The following GPR180 variants were observed in gnomAD, a reference collection of about 807,000 sequenced individuals.
The protein encoded by GPR180 is G protein-coupled receptor 180.
Under a neutral mutation model 52.6 loss-of-function variants are expected in GPR180, and 53 were observed. That is an observed-to-expected ratio of 1.01 (90% confidence interval 0.81 to 1.27). The LOEUF (loss-of-function observed/expected upper bound fraction) is 1.27. Ranked by LOEUF, GPR180 falls within the 50% of genes most tolerant of loss-of-function variation. The pLI, the probability that GPR180 is intolerant of heterozygous loss-of-function variation, is 0.00. For missense variants in GPR180, 533 were observed against 527.0 expected, an observed-to-expected ratio of 1.01 and a Z score of -0.11; for synonymous variants, 200 against 193.1, an observed-to-expected ratio of 1.04 and a Z score of -0.30.
Position 94,618,420 on chromosome 13 carries a change from A to ATTTTTTTTTTTT in GPR180, c.506-718_506-707dup, listed in dbSNP as rs570807308. Among the ~76,000 whole-genome samples, 473 of 87,114 alleles carry ATTTTTTTTTTTT rather than the reference A, an allele frequency of 5.4e-3. 94 individuals are homozygous for ATTTTTTTTTTTT. The highest frequency in any genetic ancestry group is 0.026 in the African/African-American group (417 of 15,820). The allele number at this position is 87,114 out of a possible 152,430, so 57.2% of individuals were successfully genotyped here. A position where few individuals can be genotyped will look rare whatever the true frequency, so the allele number is the denominator to read the frequency against. On this transcript the variant is annotated intron_variant, in intron 3 of 8. Transcript: ENST00000376958. Reference sequence around the variant, plus strand: ...CATGGAGTCGCATGATCAGCACAGGATTTTTTTTTTTTTTTTTTTTTTTGG... The same window carrying ATTTTTTTTTTTT: ...CATGGAGTCGCATGATCAGCACAGGATTTTTTTTTTTTTTTTTTTTTTTTTTTTTTTTTTTGG...
chr13:94,619,419 C>G, intron 4 of GPR180, 49 bp from the exon 5 acceptor site: 1 of 1,600,546 alleles, frequency 6.2e-7, no homozygotes, highest in Non-Finnish European at 8.5e-7. Context: ...TGATTATAAA[C>G]AATTTTTTTC....
rs1443977493 is a variant in GPR180, at chr13:94,627,155, G to A, written c.1307G>A (p.Ser436Asn). The A allele has an allele frequency of 6.2e-7, 1 of 1,612,256 alleles. No homozygotes were observed. Among genetic ancestry groups the A allele is most frequent in the Admixed American group, 1.7e-5 (1 of 59,750 alleles). The change falls in exon 9 of 9, where the codon AGT (serine) becomes AAT (asparagine). Residue 436 changes from serine to asparagine, a missense_variant. By Grantham distance (46) the Ser-to-Asn change is conservative. Transcript: ENST00000376958. ...LPLTISSGHK[S>N]RPHF Reference sequence around the variant, plus strand: ...CTGACCATATCATCTGGACACAAAAGTCGCCCTCATTTCTGATACTTGATT... The same window carrying A: ...CTGACCATATCATCTGGACACAAAAATCGCCCTCATTTCTGATACTTGATT...
At chr13:94,619,643 A>T (rs1176954080) in intron 5 of GPR180, 126 bp downstream of exon 5, 3 of 767,294 alleles carry the variant, frequency 3.9e-6, no homozygotes, top group Non-Finnish European at 6.4e-6. Context: ...TGAGAACAGG[A>T]TTACAGTTTA....
intron 3 of GPR180, among the ~76,000 whole-genome samples, chr13:94,616,838 CTTT>C (rs1217612604): frequency 6.6e-6 from 1 of 151,784 alleles, no homozygotes; most frequent in African/African-American, 2.4e-5. Context: ...AGAAAACAGA[CTTT>C]TTTAAAGAGA....
Position 94,612,206 on chromosome 13 carries a change from C to A in GPR180, c.321C>A (p.Thr107=). The part of the protein sequence containing the change: ...KAQLTMTMNQ[T]EHNLTVSQIP... ...TCTTTAAAGTGACCATGAACCAGAC[C>A]GAACATAATCTGACAGTGTCCCAGA... The change falls in exon 3 of 9, where the codon ACC becomes ACA. Residue 107 remains threonine, a synonymous_variant. Coordinates refer to ENST00000376958, the MANE Select transcript of GPR180 (RefSeq NM_180989.6). 2 of 1,613,870 alleles carry A rather than the reference C, an allele frequency of 1.2e-6. No individual in the cohort carries two copies. Among genetic ancestry groups the A allele is most frequent in the East Asian group, 2.2e-5 (1 of 44,848 alleles).
intron 1 of GPR180, among the ~76,000 whole-genome samples, chr13:94,604,215 C>T (rs1889597277): frequency 6.6e-6 from 1 of 152,080 alleles, no homozygotes; most frequent in Non-Finnish European, 1.5e-5. Context: ...TGCCTGTAAT[C>T]CCAGCTATTT....
chr13:94,625,943 T>C (rs1433814685), intron 7 of GPR180, 23 bp from the exon 8 acceptor site: 6 of 1,587,326 alleles, frequency 3.8e-6, no homozygotes, highest in Non-Finnish European at 5.2e-6. Flanking sequence ...GTTCTACTTA[T>C]TTCACTTTTT....
rs1889964142 is a variant in GPR180, at chr13:94,629,263, T to G, written c.*2092T>G. ...TTAAGTGTATACTACAAACTCTAAT[T>G]AAAGATAAAAATCTTTTCTACTTTT... On this transcript the variant is annotated 3_prime_UTR_variant, in exon 9 of 9. Transcript: ENST00000376958. 6.6e-6 allele frequency: 1 copy of G among 152,176 alleles called. No homozygotes were observed. The highest frequency in any genetic ancestry group is 2.4e-5 in the African/African-American group (1 of 41,462). The allele number at this position is 152,176 out of a possible 1,614,324, so 9.4% of individuals were successfully genotyped here. A position where few individuals can be genotyped will look rare whatever the true frequency, so the allele number is the denominator to read the frequency against.
chr13:94,623,780 G>C (rs1420047506), intron 7 of GPR180, among the ~76,000 whole-genome samples: 6 of 151,836 alleles, frequency 4.0e-5, no homozygotes, highest in Non-Finnish European at 8.8e-5. Flanking sequence ...ATGTGATGTA[G>C]GTATTATCCC....
At chr13:94,605,602 T>C in intron 2 of GPR180, 53 bp downstream of exon 2, 1 of 1,456,322 alleles carries the variant, frequency 6.9e-7, no homozygotes, top group Non-Finnish European at 9.5e-7. Flanking sequence ...TTCCTCCTAA[T>C]GTTGAAATAT....
At chr13:94,603,578 C>T (rs572829054) in intron 1 of GPR180, among the ~76,000 whole-genome samples, 5 of 152,184 alleles carry the variant, frequency 3.3e-5, no homozygotes, top group African/African-American at 4.8e-5. Flanking sequence ...AACTGTAACT[C>T]GGAATGCAAT....
chr13:94,623,683 C>CAAA (rs60779190), intron 7 of GPR180, among the ~76,000 whole-genome samples: 3 of 73,460 alleles, frequency 4.1e-5, no homozygotes, highest in African/African-American at 1.0e-4. Context: ...TTCTTTTTTT[C>CAAA]AAAAAAAAAA....
chr13:94,605,451 C>T lies in GPR180; in HGVS notation c.206C>T (p.Ala69Val). 1 of 1,614,014 alleles carries T rather than the reference C, an allele frequency of 6.2e-7. No individual in the cohort carries two copies. Among genetic ancestry groups the T allele is most frequent in the Non-Finnish European group, 8.5e-7 (1 of 1,179,920 alleles). ...NNIAVAVGKE[A>V]KLYLFQAQEW... ...ATAGCAGTAGCTGTTGGAAAAGAAG[C>T]TAAACTCTACCTGTTCCAAGCCCAG... Residue 69 changes from alanine (A) to valine (V), a missense_variant, in exon 2 of 9, where the codon GCT becomes GTT. Ala to Val is a moderately conservative substitution (Grantham distance 64). Coordinates refer to ENST00000376958, the MANE Select transcript of GPR180 (RefSeq NM_180989.6).
chr13:94,612,735 A>G (rs1481915918), intron 3 of GPR180, among the ~76,000 whole-genome samples: 2 of 152,218 alleles, frequency 1.3e-5, no homozygotes, highest in Non-Finnish European at 2.9e-5. Flanking sequence ...TATAGTTTAT[A>G]CATTCTAAAC....
At chr13:94,602,235 G>A (rs965583614) in intron 1 of GPR180, among the ~76,000 whole-genome samples, 163 bp downstream of exon 1, 1 of 152,220 alleles carries the variant, frequency 6.6e-6, no homozygotes, top group African/African-American at 2.4e-5. Context: ...CGCGAATGGT[G>A]GGATGCGTTC....
chr13:94,602,023 C>T lies in GPR180; in HGVS notation c.96C>T (p.Thr32=), dbSNP rs2139561345. Reference sequence around the variant, plus strand: ...CCCTGCGGGGCAGCTTCAGCAGCACCGCGGCCCAGGACGCCCAGGGCCAGC... The same window carrying T: ...CCCTGCGGGGCAGCTTCAGCAGCACTGCGGCCCAGGACGCCCAGGGCCAGC... The part of the protein sequence containing the change: ...GKTLRGSFSS[T]AAQDAQGQRI... The change falls in exon 1 of 9, where the codon ACC becomes ACT. Residue 32 remains threonine, a synonymous_variant. Coordinates refer to ENST00000376958, the MANE Select transcript of GPR180 (RefSeq NM_180989.6). The T allele has an allele frequency of 6.8e-7, 1 of 1,464,090 alleles. No individual in the cohort carries two copies. The highest frequency in any genetic ancestry group is 9.0e-7 in the Non-Finnish European group (1 of 1,108,630). The allele number at this position is 1,464,090 out of a possible 1,614,324, so 90.7% of individuals were successfully genotyped here.
intron 6 of GPR180, among the ~76,000 whole-genome samples, chr13:94,621,501 A>G (rs1440509187): frequency 1.3e-5 from 2 of 152,164 alleles, no homozygotes; most frequent in Non-Finnish European, 2.9e-5. Flanking sequence ...CTATCAGCTT[A>G]TTTAAGCACA....
At chr13:94,605,664 T>C in intron 2 of GPR180, 115 bp downstream of exon 2, 3 of 813,658 alleles carry the variant, frequency 3.7e-6, no homozygotes, top group Non-Finnish European at 5.6e-6. Context: ...CCCACTGTGA[T>C]GACACTTTGT....
At position 94,621,135 on chromosome 13, in the gene GPR180, G is replaced by A; in HGVS notation, c.794G>A (p.Gly265Asp). ...TACTTACTTTTGAGTCTATGCATGGGTTGGACAATAGTCAGAATGAAGAAG... is the reference window on the plus strand; with the variant it reads ...TACTTACTTTTGAGTCTATGCATGGATTGGACAATAGTCAGAATGAAGAAG... ...MLYLLLSLCM[G>D]WTIVRMKKSQ... is the part of the protein sequence containing the mutation. Residue 265 changes from glycine (G) to aspartate (D), a missense_variant, in exon 6 of 9, where the codon GGT (glycine) becomes GAT (aspartate). Physicochemically the swap from Gly to Asp is moderately conservative, Grantham distance 94 (BLOSUM62 -1). Coordinates refer to ENST00000376958, the MANE Select transcript of GPR180 (RefSeq NM_180989.6). 5.0e-6 allele frequency: 8 copies of A among 1,612,624 alleles called. No homozygotes were observed. The highest frequency in any genetic ancestry group is 6.8e-6 in the Non-Finnish European group (8 of 1,179,746).
Sources: allele counts gnomAD v4.1 joint callset (sites outside exome capture counted in the v4.1 genomes callset), GRCh38; gene constraint gnomAD v4.1.1; transcripts MANE v1.5; gene names NCBI Gene and HGNC (gene_info 2026-07-23, HGNC 2026-07-21).